Variants in GAS6 observed in about 807,000 individuals in gnomAD.
The protein encoded by GAS6 is growth arrest-specific protein 6.
In GAS6, 41 loss-of-function variants were observed where a neutral mutation model predicts 75.8. The observed-to-expected ratio is 0.54, with a 90% CI of 0.42 to 0.70. The LOEUF is 0.70. Among genes scored for constraint, GAS6 ranks in the 30% least tolerant of loss-of-function variants. GAS6 has a pLI of 0.00. For synonymous variants in GAS6, 432 were observed against 412.6 expected (o/e 1.05, Z -0.57); for missense variants, 854 against 940.2 (o/e 0.91, Z 1.20).
intron 14 of GAS6, 104 bp downstream of exon 14, chr13:113,821,854 A>G (rs2051463362): frequency 1.1e-6 from 1 of 890,526 alleles, no homozygotes; most frequent in Non-Finnish European, 1.6e-6. Flanking sequence ...CCTCTTCCGC[A>G]TTCACTACCA....
intron 10 of GAS6, among the ~76,000 whole-genome samples, chr13:113,829,526 C>T (rs1284719711): frequency 6.6e-6 from 1 of 150,400 alleles, no homozygotes; most frequent in African/African-American, 2.5e-5. Flanking sequence ...CCACCTGATC[C>T]TCACCTGGGC....
intron 14 of GAS6, 195 bp from the exon 15 acceptor site, chr13:113,821,213 C>T (rs2051453488): frequency 4.9e-6 from 3 of 616,508 alleles, no homozygotes; most frequent in South Asian, 3.9e-5. Flanking sequence ...CATCTGCCAG[C>T]CTGGGCTCTG....
chr13:113,823,230 G>T, intron 13 of GAS6, 145 bp downstream of exon 13: 2 of 894,010 alleles, frequency 2.2e-6, no homozygotes, highest in Non-Finnish European at 3.3e-6. Flanking sequence ...GCCCACGCCG[G>T]GCTTGGCTCA....
At chr13:113,833,554 G>A in intron 8 of GAS6, 1 of 1,011,656 alleles carries the variant, frequency 9.9e-7, no homozygotes, top group Non-Finnish European at 1.2e-6. Context: ...CCACATGTGG[G>A]TACTGCATTC....
chr13:113,849,946 G>A (rs550445035), intron 2 of GAS6, among the ~76,000 whole-genome samples: 1 of 152,144 alleles, frequency 6.6e-6, no homozygotes, highest in Admixed American at 6.5e-5. Flanking sequence ...ACCTAAAAAC[G>A]CTATACACTC....
rs1279698430 is a variant in GAS6 at position 113,821,950 on chromosome 13, G to A, written c.1882+8C>T. The A allele has an allele frequency of 2.0e-6, 3 of 1,523,104 alleles. No individual in the cohort carries two copies. Among genetic ancestry groups the A allele is most frequent in the South Asian group, 1.2e-5 (1 of 81,830 alleles). 94.3% of individuals were successfully genotyped at this position (1,523,104 alleles called of 1,614,324 possible). A position where few individuals can be genotyped will look rare whatever the true frequency, so the allele number is the denominator to read the frequency against. On this transcript the variant is annotated splice_region_variant and intron_variant, in intron 14 of 14. Transcript: ENST00000327773. ...TCACCCGGGTTGAGCGGAGCAGGGAGCACCTACCTGGCAGGCCGCCAGCAA... is the reference window on the plus strand; with the variant it reads ...TCACCCGGGTTGAGCGGAGCAGGGAACACCTACCTGGCAGGCCGCCAGCAA...
chr13:113,834,484 G>A (rs1025691683), intron 8 of GAS6, 67 bp downstream of exon 8: 120 of 1,404,474 alleles, frequency 8.5e-5, no homozygotes, highest in Admixed American at 1.8e-4. Flanking sequence ...TGTTTCTCCC[G>A]AAAGCCCCCA....
chr13:113,831,162 C>T (rs750168164), intron 10 of GAS6, among the ~76,000 whole-genome samples: 1 of 152,210 alleles, frequency 6.6e-6, no homozygotes, highest in Non-Finnish European at 1.5e-5. Flanking sequence ...GGGGTGGGCA[C>T]GTTTTACCGC....
intron 11 of GAS6, 30 bp downstream of exon 11, chr13:113,828,517 C>T (rs72670665): frequency 0.011 from 17,540 of 1,595,764 alleles, 303 homozygotes; most frequent in African/African-American, 0.014. Context: ...GCACACGGCG[C>T]GTCTACACAG....
intron 8 of GAS6, chr13:113,833,773 C>G (rs565405861): frequency 1.0e-6 from 1 of 1,002,960 alleles, no homozygotes; most frequent in South Asian, 3.6e-5. Flanking sequence ...CGGTGTGAGA[C>G]ACTGGTGTGA....
intron 2 of GAS6, among the ~76,000 whole-genome samples, chr13:113,850,105 T>A (rs59692054): frequency 1.3e-5 from 2 of 152,154 alleles, no homozygotes; most frequent in Non-Finnish European, 2.9e-5. Flanking sequence ...GAGAACATTC[T>A]AGCCAAAGAT....
intron 5 of GAS6, among the ~76,000 whole-genome samples, chr13:113,838,461 G>A (rs1400361505): frequency 7.1e-6 from 1 of 140,626 alleles, no homozygotes; most frequent in Non-Finnish European, 1.5e-5. Flanking sequence ...AGGGAGCCCA[G>A]GGGTGCACAG....
chr13:113,846,798 G>A (rs868341865), intron 3 of GAS6, among the ~76,000 whole-genome samples: 3 of 152,246 alleles, frequency 2.0e-5, no homozygotes, highest in Admixed American at 6.5e-5. Context: ...CCAACTCAGC[G>A]GAGTTGTGCA....
intron 4 of GAS6, chr13:113,840,148 T>A: frequency 2.6e-6 from 1 of 387,000 alleles, no homozygotes; most frequent in African/African-American, 2.1e-5. Flanking sequence ...CTGCCTGGCG[T>A]GAGGCCTGGG....
chr13:113,855,762 T>G lies in GAS6; in HGVS notation c.256-7712A>C, dbSNP rs114162826. Among the ~76,000 whole-genome samples, 581 of 152,216 alleles carry G rather than the reference T, an allele frequency of 3.8e-3. 3 individuals are homozygous for G. Among genetic ancestry groups the G allele is most frequent in the African/African-American group, 0.013 (552 of 41,538 alleles). ...ATGCCCTGACTGCGACCACCACCAA[T>G]AGTCGCCAAGAGTGCACGCAAGCAG... On this transcript the variant is annotated intron_variant, in intron 2 of 14. Coordinates refer to ENST00000327773, the MANE Select transcript of GAS6 (RefSeq NM_000820.4).
rs920886286 is a variant in GAS6 at position 113,823,426 on chromosome 13, A to T, written c.1602T>A (p.Pro534=). The change falls in exon 13 of 15, where the codon CCT becomes CCA. Residue 534 remains proline, a synonymous_variant. Transcript: ENST00000327773. The part of the protein sequence containing the change: ...ALWAPDLRAV[P]LSVALVDYHS... ...GATAGTCTACCAGTGCCACAGAGAG[A>T]GGCACGGCACGGAGGTCGGGGGCCC... 6 of 1,612,526 alleles carry T rather than the reference A, an allele frequency of 3.7e-6. No homozygotes were observed. The African/African-American group carries it at 6.7e-5, about 18-fold the overall frequency.
chr13:113,820,810 T>C lies in GAS6; in HGVS notation c.*54A>G. The C allele has an allele frequency of 6.4e-7, 1 of 1,571,760 alleles. No homozygotes were observed. Among genetic ancestry groups the C allele is most frequent in the Non-Finnish European group, 8.6e-7 (1 of 1,160,516 alleles). On this transcript the variant is annotated 3_prime_UTR_variant, in exon 15 of 15. Coordinates refer to ENST00000327773, the MANE Select transcript of GAS6 (RefSeq NM_000820.4). ...CCCACGTGGTGAGGAGCCCCCAGGC[T>C]CCTCCCGGCTGTCTCGGACAGAGAC...
rs1261753991 is a variant in GAS6 at position 113,820,683 on chromosome 13, C to T, written c.*181G>A. The stretch of plus-strand genomic sequence containing the variant: ...GCCGGCCTCCCCGCGCCCGGGCCCA[C>T]GGCTGAGTGCGCGGCGTCAGAGGCC... On this transcript the variant is annotated 3_prime_UTR_variant, in exon 15 of 15. Coordinates refer to ENST00000327773, the MANE Select transcript of GAS6 (RefSeq NM_000820.4). The T allele has an allele frequency of 7.0e-6, 5 of 710,340 alleles. No individual in the cohort carries two copies. Among genetic ancestry groups the T allele is most frequent in the Non-Finnish European group, 1.1e-5 (5 of 443,650 alleles). 44.0% of individuals were successfully genotyped at this position (710,340 alleles called of 1,614,324 possible).
chr13:113,824,617 T>C (rs1398853065), intron 12 of GAS6, among the ~76,000 whole-genome samples: 1 of 152,206 alleles, frequency 6.6e-6, no homozygotes, highest in Non-Finnish European at 1.5e-5. Context: ...CCCAAATCAC[T>C]GTGTGTACAC....
Sources: allele counts gnomAD v4.1 joint callset (sites outside exome capture counted in the v4.1 genomes callset), GRCh38; gene constraint gnomAD v4.1.1; transcripts MANE v1.5; gene names NCBI Gene and HGNC (gene_info 2026-07-23, HGNC 2026-07-21).